Variants in FANCL observed in about 807,000 individuals in gnomAD.
FANCL encodes FA complementation group L, also known as E3 ubiquitin-protein ligase FANCL.
FANCL carries 69 observed loss-of-function variants against 59.4 expected under a neutral mutation model. The observed-to-expected ratio is 1.16, with a 90% confidence interval of 0.96 to 1.42. The LOEUF is 1.42. FANCL is among the 40% of genes most tolerant of loss of function. FANCL has a pLI of 0.00. For missense variants in FANCL, 519 were observed against 447.2 expected (o/e 1.16, Z -1.45); for synonymous variants, 180 against 147.1 (o/e 1.22, Z -1.62).
intron 7 of FANCL, among the ~76,000 whole-genome samples, chr2:58,171,381 G>C (rs1686593061): frequency 6.6e-6 from 1 of 152,152 alleles, no homozygotes; most frequent in Non-Finnish European, 1.5e-5. Flanking sequence ...CCAAAGCAGT[G>C]TTTCAAGGGA....
Position 58,175,299 on chromosome 2 carries a change from T to C in FANCL, c.541-9425A>G, listed in dbSNP as rs1377914510. 7.4e-5 allele frequency among the ~76,000 whole-genome samples: 11 copies of C among 148,696 alleles called. No homozygotes were observed. In the East Asian group the frequency reaches 7.8e-4, roughly 11 times the overall value. ...ACTCATTTTATGAGGCCAGCATCAT[T>C]CTGATACCAAAGCCGGGCAGAGACA... is the stretch of plus-strand genomic sequence containing the variant. On this transcript the variant is annotated intron_variant, in intron 7 of 13. Transcript: ENST00000233741.
chr2:58,179,592 G>C (rs774102616), intron 7 of FANCL, among the ~76,000 whole-genome samples: 3 of 152,104 alleles, frequency 2.0e-5, no homozygotes, highest in Non-Finnish European at 4.4e-5. Context: ...ACACAATATG[G>C]ATTAAAGACT....
In FANCL at chr2:58,195,321, A is replaced by T. The variant is rs990557210; in HGVS notation, c.540+3273T>A. Among the ~76,000 whole-genome samples, 124 of 152,300 alleles carry T rather than the reference A, an allele frequency of 8.1e-4. 1 individual carries two copies. The highest frequency in any genetic ancestry group is 2.8e-3 in the African/African-American group (115 of 41,586). The stretch of plus-strand genomic sequence containing the variant: ...GATATACAGCCAGAATCTTATAGGT[A>T]AATGATATATTTTTTAAACTTTCTA... On this transcript the variant is annotated intron_variant, in intron 7 of 13. Coordinates refer to ENST00000233741, the MANE Select transcript of FANCL (RefSeq NM_018062.4).
At chr2:58,185,105 C>T (rs766995602) in intron 7 of FANCL, among the ~76,000 whole-genome samples, 23 of 151,952 alleles carry the variant, frequency 1.5e-4, no homozygotes, top group Non-Finnish European at 1.9e-4. Context: ...CTAAGTTTAA[C>T]AGGGAAATAT....
At chr2:58,195,768 T>G (rs560952225) in intron 7 of FANCL, among the ~76,000 whole-genome samples, 3 of 152,120 alleles carry the variant, frequency 2.0e-5, no homozygotes, top group African/African-American at 7.2e-5. Flanking sequence ...AAGGTCAGAC[T>G]AAGATGAGAC....
chr2:58,232,134 A>C lies in FANCL; in HGVS notation c.97-22T>G, dbSNP rs375074601. On this transcript the variant is annotated intron_variant, in intron 1 of 13. Coordinates refer to ENST00000233741, the MANE Select transcript of FANCL (RefSeq NM_018062.4). The stretch of plus-strand genomic sequence containing the variant: ...TTCCCTGTGGAAAATATTGAAAAGG[A>C]TCACTCAAATTTTTATCTTTCACTT... 1.9e-6 allele frequency: 3 copies of C among 1,601,540 alleles called. No homozygotes were observed. The African/African-American group carries it at 4.0e-5, about 21-fold the overall frequency.
chr2:58,237,089 T>C (rs1694092294), intron 1 of FANCL, among the ~76,000 whole-genome samples: 1 of 152,036 alleles, frequency 6.6e-6, no homozygotes, highest in Non-Finnish European at 1.5e-5. Context: ...TGCTACCCAA[T>C]AAGGGCCTGG....
rs149974680 is a variant in FANCL at position 58,220,855 on chromosome 2, G to A, written c.374+1087C>T. 6.7e-3 allele frequency among the ~76,000 whole-genome samples: 1,022 copies of A among 152,254 alleles called. 12 individuals carry two copies. The highest frequency in any genetic ancestry group is 0.023 in the African/African-American group (937 of 41,542). ...CTAAGTTAGCCCTCGATTTATCTTA[G>A]TAATAGGGCAATCTAAATGGAAATA... On this transcript the variant is annotated intron_variant, in intron 5 of 13. Coordinates refer to ENST00000233741, the MANE Select transcript of FANCL (RefSeq NM_018062.4).
Position 58,197,125 on chromosome 2 carries a change from T to C in FANCL, c.540+1469A>G, listed in dbSNP as rs3771218. 6.8e-3 allele frequency among the ~76,000 whole-genome samples: 1,033 copies of C among 151,542 alleles called. 82 individuals are homozygous for C. The East Asian group carries it at 0.16, about 24-fold the overall frequency. ...CTCTTCTCTATTTTGCTATGTTTTCTCAACTTCCATTGTGGGGAGATTGGG... is the reference window on the plus strand; with the variant it reads ...CTCTTCTCTATTTTGCTATGTTTTCCCAACTTCCATTGTGGGGAGATTGGG... On this transcript the variant is annotated intron_variant, in intron 7 of 13. Transcript: ENST00000233741.
At chr2:58,175,189 G>C (rs914135884) in intron 7 of FANCL, among the ~76,000 whole-genome samples, 1 of 147,208 alleles carries the variant, frequency 6.8e-6, no homozygotes. Context: ...ATTCACAGCC[G>C]AATTCTACCA....
At chr2:58,188,715 C>A (rs993811991) in intron 7 of FANCL, among the ~76,000 whole-genome samples, 1 of 150,056 alleles carries the variant, frequency 6.7e-6, no homozygotes, top group Non-Finnish European at 1.5e-5. Flanking sequence ...GTTGGGATTA[C>A]GGGTGTGAGA....
intron 6 of FANCL, among the ~76,000 whole-genome samples, chr2:58,203,573 A>C (rs1405315930): frequency 6.6e-6 from 1 of 152,066 alleles, no homozygotes; most frequent in Non-Finnish European, 1.5e-5. Context: ...TTGTGCCAAT[A>C]AAATTTGTGA....
At chr2:58,215,293 T>A (rs1390598267) in intron 5 of FANCL, among the ~76,000 whole-genome samples, 1 of 152,214 alleles carries the variant, frequency 6.6e-6, no homozygotes, top group African/African-American at 2.4e-5. Context: ...TAATTTTATT[T>A]AAAAGGCTCC....
At chr2:58,201,474 T>C (rs1690019512) in intron 6 of FANCL, among the ~76,000 whole-genome samples, 1 of 151,944 alleles carries the variant, frequency 6.6e-6, no homozygotes, top group Non-Finnish European at 1.5e-5. Flanking sequence ...TTTAACCAAG[T>C]CTGTTCTGTG....
chr2:58,176,157 A>T (rs1374554802), intron 7 of FANCL, among the ~76,000 whole-genome samples: 1 of 152,170 alleles, frequency 6.6e-6, no homozygotes, highest in African/African-American at 2.4e-5. Context: ...AGAACATTCC[A>T]TGCTCATGGG....
chr2:58,226,726 ACCAAAAGCATCTTCAACT>A lies in FANCL; in HGVS notation c.257_273+1del. On this transcript the variant is annotated splice_donor_variant and coding_sequence_variant, in exon 4 of 14. Transcript: ENST00000233741. LOFTEE classifies it high-confidence loss of function. ...AGTGTCAGAAAAAAAAAAAATTCTT[ACCAAAAGCATCTTCAACT>A]CCATCATAAAGCTCATTAGATCAGG... 1 of 1,611,782 alleles carries A rather than the reference ACCAAAAGCATCTTCAACT, an allele frequency of 6.2e-7. No individual in the cohort carries two copies. Among genetic ancestry groups the A allele is most frequent in the Non-Finnish European group, 8.5e-7 (1 of 1,178,428 alleles).
chr2:58,162,795 T>G, intron 11 of FANCL, 71 bp downstream of exon 11: 1 of 1,325,214 alleles, frequency 7.5e-7, no homozygotes, highest in Non-Finnish European at 1.1e-6. Flanking sequence ...AGCCTCATTT[T>G]TCACTGAGAG....
intron 7 of FANCL, among the ~76,000 whole-genome samples, chr2:58,190,301 A>G (rs1026039260): frequency 1.3e-5 from 2 of 152,038 alleles, no homozygotes; most frequent in African/African-American, 4.8e-5. Context: ...GTATCTGCCC[A>G]CAGGACCAAA....
chr2:58,225,532 T>C (rs930303585), intron 4 of FANCL, among the ~76,000 whole-genome samples: 3 of 152,012 alleles, frequency 2.0e-5, no homozygotes, highest in African/African-American at 7.2e-5. Context: ...AAACTTTATA[T>C]TGAATGGATC....
Sources: allele counts gnomAD v4.1 joint callset (sites outside exome capture counted in the v4.1 genomes callset), GRCh38; gene constraint gnomAD v4.1.1; transcripts MANE v1.5; gene names NCBI Gene and HGNC (gene_info 2026-07-23, HGNC 2026-07-21).